SCN1A: variants seen among roughly 807,000 people sequenced by gnomAD.
SCN1A encodes sodium voltage-gated channel alpha subunit 1, also known as sodium channel protein type 1 subunit alpha.
SCN1A carries 13 observed loss-of-function variants against 193.7 expected under a neutral mutation model. The ratio of observed to expected loss-of-function variants is 0.07; its 90% CI spans 0.04 to 0.11. The LOEUF is 0.11. SCN1A is among the 10% of genes least tolerant of loss of function. The pLI is 1.00. For synonymous variants in SCN1A, 781 were observed against 843.6 expected (o/e 0.93, Z 1.29); for missense variants, 1,432 against 2,451.1 (o/e 0.58, Z 8.78).
intron 7 of SCN1A, among the ~76,000 whole-genome samples, chr2:166,053,426 T>C (rs1344833893): frequency 6.6e-6 from 1 of 151,896 alleles, no homozygotes; most frequent in East Asian, 1.9e-4. Flanking sequence ...TAGAAAAAAA[T>C]ATATGAAATC....
chr2:166,074,184 C>T lies in SCN1A; in HGVS notation c.-49-514G>A, dbSNP rs147091300. Among the ~76,000 whole-genome samples the T allele has an allele frequency of 2.3e-4, 35 of 152,286 alleles. 1 individual carries two copies. The highest frequency in any genetic ancestry group is 1.9e-3 in the Admixed American group (29 of 15,292). The stretch of plus-strand genomic sequence containing the variant: ...AATCAAATAGTTATTGCTGTCTTGA[C>T]TGGGCTTTAACCTCTTCTAAGATTT... On this transcript the variant is annotated intron_variant, in intron 3 of 28. Coordinates refer to ENST00000674923, the MANE Select transcript of SCN1A (RefSeq NM_001165963.4).
At chr2:166,047,876 A>T in intron 10 of SCN1A, 108 bp from the exon 11 acceptor site, 5 of 1,476,458 alleles carry the variant, frequency 3.4e-6, no homozygotes, top group Non-Finnish European at 4.7e-6. Flanking sequence ...TCAAAATAAA[A>T]GTTTGACAAA....
At chr2:166,136,665 G>T (rs1350499228) in intron 1 of SCN1A, among the ~76,000 whole-genome samples, 8 of 152,220 alleles carry the variant, frequency 5.3e-5, no homozygotes, top group African/African-American at 1.9e-4. Flanking sequence ...CATTCAAAAT[G>T]GTTAAAATAA....
chr2:166,030,806 C>T (rs1695457666), intron 19 of SCN1A, among the ~76,000 whole-genome samples: 1 of 151,944 alleles, frequency 6.6e-6, no homozygotes. Context: ...GTTATGCACC[C>T]AGCATTGTGG....
rs140431192 is a variant in SCN1A at position 165,994,650 on chromosome 2, AAAAC to A, written c.4582-238_4582-235del. Among the ~76,000 whole-genome samples, 52,610 of 150,868 alleles carry A rather than the reference AAAAC, an allele frequency of 0.35. 9,354 individuals are homozygous for A. The highest frequency in any genetic ancestry group is 0.4 in the South Asian group (1,930 of 4,794). ...CCTTATCCAAAGAAGGTTTCTGATA[AAAAC>A]AAACAAACAAACAAACAAACAAACA... On this transcript the variant is annotated intron_variant, in intron 27 of 28. Transcript: ENST00000674923.
chr2:166,030,908 C>G (rs1695472340), intron 19 of SCN1A, among the ~76,000 whole-genome samples: 1 of 152,056 alleles, frequency 6.6e-6, no homozygotes. Context: ...TTTATATTGT[C>G]TTTTGCATAG....
intron 4 of SCN1A, among the ~76,000 whole-genome samples, chr2:166,070,777 A>T (rs1323939207): frequency 1.3e-5 from 2 of 152,164 alleles, no homozygotes; most frequent in Non-Finnish European, 2.9e-5. Context: ...AAGAAAAAAA[A>T]GATTGATTGG....
intron 2 of SCN1A, among the ~76,000 whole-genome samples, chr2:166,097,845 T>G (rs1039024946): frequency 3.3e-5 from 5 of 152,308 alleles, no homozygotes; most frequent in African/African-American, 1.2e-4. Flanking sequence ...TCTCCCAAAT[T>G]TCTGGGATTA....
intron 5 of SCN1A, 60 bp downstream of exon 5, chr2:166,058,510 C>T: frequency 1.1e-6 from 1 of 920,582 alleles, no homozygotes; most frequent in Non-Finnish European, 1.8e-6. Context: ...TGATATTTAG[C>T]TATAAAGTGC....
intron 2 of SCN1A, among the ~76,000 whole-genome samples, chr2:166,117,029 G>A (rs485760): frequency 0.99 from 150,539 of 152,288 alleles, 74,439 homozygotes; most frequent in Middle Eastern, 1. Context: ...GGTGGCAGAT[G>A]CATCTTTTTC....
At chr2:166,054,947 G>C (rs1338219832) in intron 6 of SCN1A, among the ~76,000 whole-genome samples, 181 bp from the exon 7 acceptor site, 1 of 151,962 alleles carries the variant, frequency 6.6e-6, no homozygotes, top group Non-Finnish European at 1.5e-5. Flanking sequence ...AACACAAAGA[G>C]TTGTTTCGTA....
Position 166,039,391 on chromosome 2 carries a change from T to C in SCN1A, c.2589+32A>G, listed in dbSNP as rs761699781. 1.3e-6 allele frequency: 2 copies of C among 1,586,204 alleles called. 1 individual carries two copies. Among genetic ancestry groups the C allele is most frequent in the Non-Finnish European group, 1.7e-6 (2 of 1,170,792 alleles). On this transcript the variant is annotated intron_variant, in intron 17 of 28. Transcript: ENST00000674923. Reference sequence around the variant, plus strand: ...AGAACCCTGATTGTTAGAAAGGTTTTTGAATTTGGTGCTTTTTTTTTTTTT... The same window carrying C: ...AGAACCCTGATTGTTAGAAAGGTTTCTGAATTTGGTGCTTTTTTTTTTTTT...
chr2:165,997,881 A>G (rs533062313), intron 26 of SCN1A, among the ~76,000 whole-genome samples, 157 bp downstream of exon 26: 9 of 151,314 alleles, frequency 5.9e-5, no homozygotes, highest in Non-Finnish European at 1.0e-4. Context: ...ATAGCCGGAA[A>G]TATATGGATA....
chr2:166,052,094 G>T, intron 8 of SCN1A, 106 bp from the exon 9 acceptor site: 1 of 1,058,486 alleles, frequency 9.4e-7, no homozygotes, highest in Non-Finnish European at 1.4e-6. Context: ...ATCCAAGAAT[G>T]TTTGCAACGC....
At chr2:166,071,932 G>C (rs1215053590) in intron 4 of SCN1A, 1 of 146,242 alleles carries the variant, frequency 6.8e-6, no homozygotes, top group African/African-American at 2.6e-5. Context: ...TACTTAAACT[G>C]ACTATATCCT....
intron 2 of SCN1A, among the ~76,000 whole-genome samples, chr2:166,124,629 A>G (rs1268556277): frequency 1.3e-5 from 2 of 152,198 alleles, no homozygotes; most frequent in Non-Finnish European, 2.9e-5. Flanking sequence ...GAATTTTGGC[A>G]TGTCAGAAAG....
intron 2 of SCN1A, among the ~76,000 whole-genome samples, chr2:166,078,624 C>A (rs1199414715): frequency 6.6e-6 from 1 of 151,516 alleles, no homozygotes; most frequent in Non-Finnish European, 1.5e-5. Context: ...TTTTTAAAAG[C>A]TTTGAATAAA....
At chr2:166,096,665 T>G (rs1323968284) in intron 2 of SCN1A, among the ~76,000 whole-genome samples, 2 of 152,232 alleles carry the variant, frequency 1.3e-5, no homozygotes, top group Admixed American at 6.5e-5. Flanking sequence ...TATCCATTAT[T>G]TTTTTCTTGA....
upstream of SCN1A, among the ~76,000 whole-genome samples, chr2:166,129,552 G>A (rs959601763): frequency 3.9e-5 from 6 of 152,172 alleles, no homozygotes; most frequent in African/African-American, 1.4e-4. Context: ...GGGAAATGAT[G>A]TTGCCCAGTA....
Sources: gnomAD v4.1 joint callset for allele counts (sites outside exome capture counted in the v4.1 genomes callset) on GRCh38, gnomAD v4.1.1 for gene constraint, MANE v1.5 for transcripts, NCBI Gene and HGNC (gene_info 2026-07-23, HGNC 2026-07-21) for gene names.